Variants in ROBO1 observed in about 807,000 individuals in gnomAD.
ROBO1 encodes roundabout guidance receptor 1, also known as roundabout homolog 1.
Under a neutral mutation model 195.9 loss-of-function variants are expected in ROBO1, and 149 were observed. The observed-to-expected ratio is 0.76, with a 90% CI of 0.67 to 0.87. ROBO1 has a LOEUF of 0.87. Among genes scored for constraint, ROBO1 ranks in the 40% least tolerant of loss-of-function variants. ROBO1 has a pLI of 0.00. For missense variants in ROBO1, 1,933 were observed against 2,068.3 expected (o/e 0.93, Z 1.27); for synonymous variants, 816 against 733.2 (o/e 1.11, Z -1.82).
intron 4 of ROBO1, among the ~76,000 whole-genome samples, chr3:78,767,306 C>T (rs902869463): frequency 2.0e-5 from 3 of 151,900 alleles, no homozygotes; most frequent in African/African-American, 7.3e-5. Flanking sequence ...CAGGGTCTCA[C>T]CCAGGCTGGA....
At chr3:79,545,938 C>T (rs1259734257) in intron 2 of ROBO1, among the ~76,000 whole-genome samples, 1 of 152,046 alleles carries the variant, frequency 6.6e-6, no homozygotes, top group Non-Finnish European at 1.5e-5. Context: ...TGCATGGGTC[C>T]ACTTATTCAC....
chr3:79,014,768 A>G (rs776913671), intron 3 of ROBO1, among the ~76,000 whole-genome samples: 33 of 152,154 alleles, frequency 2.2e-4, no homozygotes, highest in Non-Finnish European at 4.3e-4. Flanking sequence ...TCGAGCTTGC[A>G]GGGCAGTTTA....
chr3:78,731,171 G>T (rs2082277128), intron 5 of ROBO1, among the ~76,000 whole-genome samples: 1 of 152,056 alleles, frequency 6.6e-6, no homozygotes, highest in African/African-American at 2.4e-5. Context: ...AGTCATAAAT[G>T]GTTCCATTCC....
Position 79,554,833 on chromosome 3 carries a change from A to G in ROBO1, c.88+34991T>C, listed in dbSNP as rs536546723. ...ACGTTTGAACATTGCTTTCTAATCTATGAAGTAATCAATATCTAACTCAGA... is the reference window on the plus strand; with the variant it reads ...ACGTTTGAACATTGCTTTCTAATCTGTGAAGTAATCAATATCTAACTCAGA... On this transcript the variant is annotated intron_variant, in intron 2 of 30. Transcript: ENST00000464233. Among the ~76,000 whole-genome samples, 26 of 152,280 alleles carry G rather than the reference A, an allele frequency of 1.7e-4. No individual in the cohort carries two copies. In the South Asian group the frequency reaches 4.6e-3, roughly 27 times the overall value.
At chr3:79,315,363 A>G (rs1167347184) in intron 2 of ROBO1, among the ~76,000 whole-genome samples, 2 of 152,236 alleles carry the variant, frequency 1.3e-5, no homozygotes, top group Non-Finnish European at 2.9e-5. Context: ...TGTAAGAATG[A>G]AAGCAGGAGA....
At chr3:79,402,254 A>G (rs1248584464) in intron 2 of ROBO1, among the ~76,000 whole-genome samples, 1 of 151,960 alleles carries the variant, frequency 6.6e-6, no homozygotes, top group Non-Finnish European at 1.5e-5. Flanking sequence ...TTAAAAATAT[A>G]TTCCCTAATC....
At chr3:79,607,482 A>G (rs550158186) in intron 1 of ROBO1, among the ~76,000 whole-genome samples, 1 of 151,838 alleles carries the variant, frequency 6.6e-6, no homozygotes, top group South Asian at 2.1e-4. Context: ...GTATTTTAAA[A>G]CATATTAACA....
chr3:79,754,089 T>C (rs981811173), intron 1 of ROBO1, among the ~76,000 whole-genome samples: 5 of 152,146 alleles, frequency 3.3e-5, no homozygotes, highest in African/African-American at 1.2e-4. Flanking sequence ...TTGACCAATG[T>C]TCTTTCTAGG....
intron 3 of ROBO1, among the ~76,000 whole-genome samples, chr3:78,953,998 A>T (rs1457282717): frequency 2.0e-5 from 3 of 152,030 alleles, no homozygotes; most frequent in African/African-American, 7.2e-5. Context: ...TTTGTAGATG[A>T]ATTAATTATT....
chr3:78,880,672 A>G (rs1021371315), intron 4 of ROBO1, among the ~76,000 whole-genome samples: 1 of 152,228 alleles, frequency 6.6e-6, no homozygotes, highest in African/African-American at 2.4e-5. Flanking sequence ...TCTTTGAACC[A>G]TTAGGCAGTT....
chr3:79,473,849 T>A (rs539847337), intron 2 of ROBO1, among the ~76,000 whole-genome samples: 3 of 151,940 alleles, frequency 2.0e-5, no homozygotes, highest in African/African-American at 7.2e-5. Context: ...CAGAAAAAAA[T>A]TACTCTTTAT....
chr3:78,955,160 T>C (rs1300999383), intron 3 of ROBO1, among the ~76,000 whole-genome samples: 1 of 150,566 alleles, frequency 6.6e-6, no homozygotes, highest in African/African-American at 2.5e-5. Flanking sequence ...AAATTGTGTG[T>C]CATGGGGTTA....
intron 2 of ROBO1, among the ~76,000 whole-genome samples, chr3:79,560,418 A>G (rs1396539050): frequency 6.8e-6 from 1 of 148,020 alleles, no homozygotes; most frequent in African/African-American, 2.5e-5. Flanking sequence ...GCATTAGGAG[A>G]TATACCTAAT....
intron 21 of ROBO1, among the ~76,000 whole-genome samples, chr3:78,640,586 G>A (rs1400725070): frequency 1.3e-5 from 2 of 152,146 alleles, no homozygotes; most frequent in Non-Finnish European, 2.9e-5. Context: ...AAGAATATTA[G>A]TGTTCATTTT....
intron 5 of ROBO1, among the ~76,000 whole-genome samples, chr3:78,719,879 G>A (rs1379081341): frequency 6.6e-6 from 1 of 152,052 alleles, no homozygotes; most frequent in East Asian, 1.9e-4. Flanking sequence ...ATCAAAGTGG[G>A]ATTCTTAAAG....
At chr3:79,183,011 G>A (rs758608712) in intron 2 of ROBO1, among the ~76,000 whole-genome samples, 80 of 150,088 alleles carry the variant, frequency 5.3e-4, no homozygotes, top group Non-Finnish European at 8.7e-4. Flanking sequence ...AACCCAGGAC[G>A]CGGAGTTTGC....
At chr3:79,728,924 T>C (rs773811722) in intron 1 of ROBO1, among the ~76,000 whole-genome samples, 6 of 152,180 alleles carry the variant, frequency 3.9e-5, no homozygotes, top group Non-Finnish European at 8.8e-5. Context: ...TGAAATAAAG[T>C]GCTAGCTATT....
At chr3:78,611,792 A>G (rs758226625) in intron 28 of ROBO1, among the ~76,000 whole-genome samples, 7 of 152,212 alleles carry the variant, frequency 4.6e-5, no homozygotes, top group Non-Finnish European at 1.0e-4. Context: ...GTCCTAATCC[A>G]TAACTGATGT....
chr3:78,886,844 T>G (rs985507185), intron 4 of ROBO1, among the ~76,000 whole-genome samples: 1 of 152,088 alleles, frequency 6.6e-6, no homozygotes, highest in Non-Finnish European at 1.5e-5. Flanking sequence ...CCAGGTAGTA[T>G]GACTTTGGGA....
Sources: allele counts gnomAD v4.1 joint callset (sites outside exome capture counted in the v4.1 genomes callset), GRCh38; gene constraint gnomAD v4.1.1; transcripts MANE v1.5; gene names NCBI Gene and HGNC (gene_info 2026-07-23, HGNC 2026-07-21).